ARMC2: variants seen among roughly 807,000 people sequenced by gnomAD.
ARMC2 encodes armadillo repeat containing 2.
In ARMC2, 67 loss-of-function variants were observed where a neutral mutation model predicts 90.3. The ratio of observed to expected loss-of-function variants is 0.74; its 90% CI spans 0.61 to 0.91. The LOEUF is 0.91. ARMC2 is among the 40% of genes least tolerant of loss of function. The pLI is 0.00. For synonymous variants in ARMC2, 393 were observed against 393.0 expected, an observed-to-expected ratio of 1.00 and a Z score of 0.00; for missense variants, 920 against 1,030.9, an observed-to-expected ratio of 0.89 and a Z score of 1.47.
At chr6:108,867,894 A>G (rs1431313503) in intron 3 of ARMC2, among the ~76,000 whole-genome samples, 1 of 152,190 alleles carries the variant, frequency 6.6e-6, no homozygotes, top group Non-Finnish European at 1.5e-5. Flanking sequence ...AGATCGCACC[A>G]TTGCACTCCA....
the ARMC2 span, chr6:108,987,477 A>G: frequency 3.6e-6 from 3 of 835,490 alleles, no homozygotes; most frequent in Admixed American, 4.1e-5. Flanking sequence ...CCTGGGGCTT[A>G]GTACCTTCCC....
At chr6:109,033,208 C>A in the ARMC2 span, among the ~76,000 whole-genome samples, 2 of 151,932 alleles carry the variant, frequency 1.3e-5, no homozygotes, top group Admixed American at 6.6e-5. Flanking sequence ...ACACTTTAAG[C>A]TAAAGAGAGT....
intron 17 of ARMC2, among the ~76,000 whole-genome samples, chr6:108,970,621 C>A (rs12213775): frequency 0.19 from 27,992 of 150,694 alleles, 3,072 homozygotes; most frequent in African/African-American, 0.31. Flanking sequence ...CCTCAGCCTC[C>A]CAAGTAGCTG....
the ARMC2 span, among the ~76,000 whole-genome samples, chr6:108,993,417 T>C: frequency 6.6e-5 from 10 of 152,226 alleles, no homozygotes; most frequent in African/African-American, 1.7e-4. Flanking sequence ...GATGAGATTA[T>C]AGTTTCATGT....
chr6:108,988,500 C>T, the ARMC2 span: 1 of 1,545,122 alleles, frequency 6.5e-7, no homozygotes, highest in Non-Finnish European at 8.8e-7. Context: ...GACTACGAAT[C>T]ATTGCTAAGT....
chr6:108,960,299 C>T (rs759520618), intron 13 of ARMC2, among the ~76,000 whole-genome samples: 1 of 152,240 alleles, frequency 6.6e-6, no homozygotes, highest in Non-Finnish European at 1.5e-5. Flanking sequence ...TCCGCCATCA[C>T]CCGTGTCCAC....
the ARMC2 span, chr6:108,987,430 C>T: frequency 3.4e-6 from 2 of 586,690 alleles, no homozygotes; most frequent in Non-Finnish European, 6.0e-6. Context: ...GGAATCATGG[C>T]ACAATGGATT....
chr6:108,907,763 G>A lies in ARMC2; in HGVS notation c.1024-3136G>A, dbSNP rs561904737. 2.0e-4 allele frequency: 320 copies of A among 1,610,388 alleles called. 2 individuals are homozygous for A. The South Asian group carries it at 3.3e-3, about 17-fold the overall frequency. On this transcript the variant is annotated intron_variant, in intron 8 of 17. Coordinates refer to ENST00000392644, the MANE Select transcript of ARMC2 (RefSeq NM_032131.6). ...GTACCAGTAGTAACCTCTTTGAAAC[G>A]CTCCGAAAATGCCACTAGGGCTGAA...
chr6:108,854,142 T>G, intron 1 of ARMC2, 83 bp from the exon 2 acceptor site: 1 of 671,742 alleles, frequency 1.5e-6, no homozygotes, highest in African/African-American at 1.8e-5. Context: ...GAGGAATGAT[T>G]TAGTATATGG....
At chr6:108,893,477 A>C (rs1055490386) in intron 5 of ARMC2, among the ~76,000 whole-genome samples, 9 of 152,172 alleles carry the variant, frequency 5.9e-5, no homozygotes, top group Admixed American at 2.6e-4. Context: ...GAAGGGAGGA[A>C]GAGAGAAAAA....
chr6:108,861,153 C>A (rs1775197170), intron 3 of ARMC2, among the ~76,000 whole-genome samples: 1 of 152,182 alleles, frequency 6.6e-6, no homozygotes, highest in African/African-American at 2.4e-5. Flanking sequence ...ACTTTAGCCA[C>A]TCCTTCCCTT....
the ARMC2 span, among the ~76,000 whole-genome samples, chr6:109,049,024 GCTAGCTTTCAACAAACAC>G: frequency 2.0e-5 from 3 of 152,168 alleles, no homozygotes; most frequent in African/African-American, 7.2e-5. Context: ...TTTGTACAGA[GCTAGCTTTCAACAAACAC>G]CTGTAGAACA....
the ARMC2 span, chr6:109,001,144 AAT>A: frequency 6.9e-6 from 5 of 729,036 alleles, no homozygotes; most frequent in South Asian, 1.0e-4. Flanking sequence ...CTTATTTAAA[AAT>A]AGGAAAAACA....
chr6:108,860,490 G>T (rs1775117644), intron 3 of ARMC2, among the ~76,000 whole-genome samples: 1 of 151,916 alleles, frequency 6.6e-6, no homozygotes, highest in Non-Finnish European at 1.5e-5. Flanking sequence ...GTGAAACCCA[G>T]TCTCTACTAA....
At chr6:108,908,978 G>C (rs1773110097) in intron 8 of ARMC2, among the ~76,000 whole-genome samples, 1 of 152,200 alleles carries the variant, frequency 6.6e-6, no homozygotes, top group South Asian at 2.1e-4. Context: ...TCTGGGGCAG[G>C]AGAATCACTT....
At chr6:108,913,896 C>T (rs999760863) in intron 10 of ARMC2, among the ~76,000 whole-genome samples, 1 of 152,206 alleles carries the variant, frequency 6.6e-6, no homozygotes, top group African/African-American at 2.4e-5. Flanking sequence ...CCTTCTCTCT[C>T]CTCATTTAAC....
the ARMC2 span, among the ~76,000 whole-genome samples, chr6:109,026,420 T>G: frequency 2.6e-5 from 4 of 152,218 alleles, no homozygotes; most frequent in Non-Finnish European, 4.4e-5. Flanking sequence ...CTGTACGAAT[T>G]CTGAATAGCT....
chr6:108,949,367 T>A (rs1343255506), intron 12 of ARMC2, among the ~76,000 whole-genome samples: 1 of 152,244 alleles, frequency 6.6e-6, no homozygotes, highest in Non-Finnish European at 1.5e-5. Context: ...TTAATTTGTA[T>A]ATATAAATGC....
At chr6:108,864,258 T>TC (rs960080427) in intron 3 of ARMC2, among the ~76,000 whole-genome samples, 3 of 150,086 alleles carry the variant, frequency 2.0e-5, no homozygotes, top group South Asian at 2.1e-4. Flanking sequence ...CTTTTCTTTT[T>TC]TTTTTTTTTG....
Sources: allele counts gnomAD v4.1 joint callset (sites outside exome capture counted in the v4.1 genomes callset), GRCh38; gene constraint gnomAD v4.1.1; transcripts MANE v1.5; gene names NCBI Gene and HGNC (gene_info 2026-07-23, HGNC 2026-07-21).